Variants in KAZN observed in about 807,000 individuals in gnomAD.
KAZN encodes the protein kazrin, periplakin interacting protein, also known as kazrin.
Under a neutral mutation model 87.4 loss-of-function variants are expected in KAZN, and 40 were observed. The ratio of observed to expected loss-of-function variants is 0.46; its 90% CI spans 0.36 to 0.60. The LOEUF (loss-of-function observed/expected upper bound fraction) is 0.60, where lower values mean the gene tolerates loss of function less well. Among genes scored for constraint, KAZN ranks in the 20% least tolerant of loss-of-function variants. KAZN has a pLI of 0.00. For synonymous variants in KAZN, 466 were observed against 458.3 expected (o/e 1.02, Z -0.22); for missense variants, 898 against 1,073.9 (o/e 0.84, Z 2.29).
intron 2 of KAZN, among the ~76,000 whole-genome samples, chr1:14,508,966 A>G (rs1396560572): frequency 6.6e-6 from 1 of 152,250 alleles, no homozygotes; most frequent in Admixed American, 6.5e-5. Flanking sequence ...CAGAGACCAC[A>G]GCACTGTGCA....
intron 1 of KAZN, among the ~76,000 whole-genome samples, chr1:14,641,110 G>A (rs1376397629): frequency 1.3e-5 from 2 of 152,196 alleles, no homozygotes; most frequent in East Asian, 1.9e-4. Context: ...CAATTCCACT[G>A]TAAATCTGAT....
intron 1 of KAZN, among the ~76,000 whole-genome samples, chr1:14,124,841 A>C (rs887876726): frequency 6.6e-6 from 1 of 152,196 alleles, no homozygotes; most frequent in South Asian, 2.1e-4. Flanking sequence ...GTTTGGAAAG[A>C]GACAAAATCC....
intron 1 of KAZN, among the ~76,000 whole-genome samples, chr1:13,917,431 A>G (rs1408480811): frequency 1.3e-5 from 2 of 152,204 alleles, no homozygotes; most frequent in East Asian, 1.9e-4. Flanking sequence ...TGAGTGGCCA[A>G]TGCAGCTGGT....
At chr1:14,192,561 C>A (rs1646442568) in intron 2 of KAZN, among the ~76,000 whole-genome samples, 1 of 152,100 alleles carries the variant, frequency 6.6e-6, no homozygotes, top group African/African-American at 2.4e-5. Flanking sequence ...TATTCCTGGT[C>A]TGGAAAAAAA....
chr1:14,013,506 T>G (rs1200847546), intron 1 of KAZN, among the ~76,000 whole-genome samples: 1 of 152,172 alleles, frequency 6.6e-6, no homozygotes, highest in Non-Finnish European at 1.5e-5. Flanking sequence ...AGCAAGGACT[T>G]GGCTGCTGTG....
chr1:14,736,264 TG>T (rs1643897787), intron 1 of KAZN, among the ~76,000 whole-genome samples: 1 of 110,180 alleles, frequency 9.1e-6, no homozygotes, highest in Non-Finnish European at 1.9e-5. Context: ...GGTGTGTGTG[TG>T]TGTGTGTGTG....
At chr1:14,133,266 C>A (rs1645029377) in intron 1 of KAZN, among the ~76,000 whole-genome samples, 1 of 150,780 alleles carries the variant, frequency 6.6e-6, no homozygotes, top group African/African-American at 2.4e-5. Context: ...ACTTGGGAGG[C>A]TGAGGAAGGA....
rs113582594 is a variant in KAZN, at chr1:14,138,016, C to T, written c.92-42419C>T. Among the ~76,000 whole-genome samples the T allele has an allele frequency of 2.7e-3, 404 of 151,802 alleles. 5 individuals are homozygous for T. The highest frequency in any genetic ancestry group is 9.1e-3 in the African/African-American group (375 of 41,348). On this transcript the variant is annotated intron_variant, in intron 1 of 16. Coordinates refer to the KAZN transcript ENST00000636203. Reference sequence around the variant, plus strand: ...CATGTATGAAATGGGGATAATAGTACGGGCTTTGCAAAAATGTTGGAAAGA... The same window carrying T: ...CATGTATGAAATGGGGATAATAGTATGGGCTTTGCAAAAATGTTGGAAAGA...
intron 1 of KAZN, among the ~76,000 whole-genome samples, chr1:13,978,180 T>C (rs1321295062): frequency 6.8e-6 from 1 of 147,524 alleles, no homozygotes; most frequent in Non-Finnish European, 1.5e-5. Context: ...AAGTTGCATA[T>C]GTGCGGCGCA....
intron 2 of KAZN, among the ~76,000 whole-genome samples, chr1:14,564,559 A>C (rs1024821282): frequency 1.3e-5 from 2 of 152,030 alleles, no homozygotes; most frequent in East Asian, 3.9e-4. Flanking sequence ...TAATCCCAGC[A>C]CTTTAGGAGG....
chr1:14,619,991 A>C (rs558228182), intron 1 of KAZN, among the ~76,000 whole-genome samples: 1 of 152,290 alleles, frequency 6.6e-6, no homozygotes, highest in East Asian at 1.9e-4. Context: ...GTGGCATTGA[A>C]TCACTTTAAG....
In KAZN at chr1:14,606,998, GTT is replaced by G. The variant is rs1244850206; in HGVS notation, c.226+7778_226+7779del. Among the ~76,000 whole-genome samples, 8 of 152,302 alleles carry G rather than the reference GTT, an allele frequency of 5.3e-5. No homozygotes were observed. In the South Asian group the frequency reaches 1.0e-3, roughly 20 times the overall value. On this transcript the variant is annotated intron_variant, in intron 1 of 14. Coordinates refer to ENST00000376030, the MANE Select transcript of KAZN (RefSeq NM_201628.3). Reference sequence around the variant, plus strand: ...AATGACAGCTCTGTGAGGTCAGGGAGTTTTATCTATATTTTACTGTATCCTCA... The same window carrying G: ...AATGACAGCTCTGTGAGGTCAGGGAGTTATCTATATTTTACTGTATCCTCA...
chr1:14,827,937 G>T (rs1263871525), intron 1 of KAZN, among the ~76,000 whole-genome samples: 1 of 152,212 alleles, frequency 6.6e-6, no homozygotes, highest in Non-Finnish European at 1.5e-5. Flanking sequence ...TTGCATAAAA[G>T]TTGGCTGTGG....
chr1:15,011,661 C>T lies in KAZN; in HGVS notation c.419-23088C>T, dbSNP rs144562589. ...GGTGCCAAGTCACCAAACTTAAAGC[C>T]GGTGATAAAGTTTGCCCGGATGAAT... On this transcript the variant is annotated intron_variant, in intron 2 of 14. Transcript: ENST00000376030. Among the ~76,000 whole-genome samples, 480 of 152,274 alleles carry T rather than the reference C, an allele frequency of 3.2e-3. 2 individuals are homozygous for T. Among genetic ancestry groups the T allele is most frequent in the Middle Eastern group, 0.02 (6 of 294 alleles).
At chr1:14,296,632 T>TC (rs1419321862) in intron 2 of KAZN, among the ~76,000 whole-genome samples, 1 of 141,182 alleles carries the variant, frequency 7.1e-6, no homozygotes, top group Non-Finnish European at 1.5e-5. Context: ...TGTATTTCTT[T>TC]TTTTTTTTTT....
chr1:14,969,958 C>T (rs1664846055), intron 2 of KAZN, among the ~76,000 whole-genome samples: 2 of 151,954 alleles, frequency 1.3e-5, no homozygotes, highest in African/African-American at 2.4e-5. Flanking sequence ...GGATTACAGG[C>T]GCCCGCCACC....
At chr1:14,788,284 A>C (rs144368654) in intron 1 of KAZN, among the ~76,000 whole-genome samples, 71 of 152,312 alleles carry the variant, frequency 4.7e-4, no homozygotes, top group African/African-American at 1.7e-3. Context: ...TCGCTCATCA[A>C]ATTTCTCCCT....
intron 1 of KAZN, among the ~76,000 whole-genome samples, chr1:13,984,334 C>T (rs1638908194): frequency 6.6e-6 from 1 of 152,166 alleles, no homozygotes; most frequent in Non-Finnish European, 1.5e-5. Flanking sequence ...ATCAGAAAGT[C>T]TTGGAAGCTT....
chr1:14,185,951 T>C (rs531932154), intron 2 of KAZN, among the ~76,000 whole-genome samples: 19 of 152,264 alleles, frequency 1.2e-4, no homozygotes, highest in African/African-American at 4.3e-4. Context: ...ACAGGTCGAG[T>C]TGGAAATGAG....
Sources: allele counts gnomAD v4.1 joint callset (sites outside exome capture counted in the v4.1 genomes callset), GRCh38; gene constraint gnomAD v4.1.1; transcripts MANE v1.5; gene names NCBI Gene and HGNC (gene_info 2026-07-23, HGNC 2026-07-21).